Variants in NRF1 observed in about 807,000 individuals in gnomAD.
NRF1 encodes nuclear respiratory factor 1.
In NRF1, 5 loss-of-function variants were observed where a neutral mutation model predicts 58.5. The ratio of observed to expected loss-of-function variants is 0.09; its 90% confidence interval spans 0.04 to 0.18. The LOEUF is 0.18. Ranked by LOEUF, NRF1 falls within the 10% of genes least tolerant of loss-of-function variation. The pLI, the probability that NRF1 is intolerant of heterozygous loss-of-function variation, is 1.00. For missense variants in NRF1, 288 were observed against 657.7 expected, an observed-to-expected ratio of 0.44 and a Z score of 6.15; for synonymous variants, 224 against 246.7, an observed-to-expected ratio of 0.91 and a Z score of 0.86.
At chr7:129,744,048 A>G in intron 10 of NRF1, 2 of 782,044 alleles carry the variant, frequency 2.6e-6, no homozygotes, top group Non-Finnish European at 2.0e-6. Flanking sequence ...GGGTGGAAGG[A>G]GCGAGGCTGT....
chr7:129,691,348 A>C (rs1229941057), intron 5 of NRF1, among the ~76,000 whole-genome samples: 1 of 131,442 alleles, frequency 7.6e-6, no homozygotes, highest in Non-Finnish European at 1.5e-5. Context: ...CTATTTATTT[A>C]TTTATTATTA....
chr7:129,625,063 A>C (rs1259186371), intron 1 of NRF1, among the ~76,000 whole-genome samples: 1 of 152,170 alleles, frequency 6.6e-6, no homozygotes, highest in Admixed American at 6.5e-5. Flanking sequence ...CAAGGTGTTC[A>C]CAGGGTGGCG....
chr7:129,644,582 T>C (rs1038448398), intron 1 of NRF1, among the ~76,000 whole-genome samples: 1 of 152,260 alleles, frequency 6.6e-6, no homozygotes, highest in East Asian at 1.9e-4. Context: ...TAATTCCTTA[T>C]GATCTCATGT....
chr7:129,732,543 G>A (rs1803605161), intron 10 of NRF1, among the ~76,000 whole-genome samples: 1 of 152,144 alleles, frequency 6.6e-6, no homozygotes, highest in Admixed American at 6.5e-5. Flanking sequence ...AAAAAGAGAG[G>A]ATGTAGCATT....
At chr7:129,637,622 T>C (rs2151065516) in intron 1 of NRF1, among the ~76,000 whole-genome samples, 1 of 152,314 alleles carries the variant, frequency 6.6e-6, no homozygotes, top group African/African-American at 2.4e-5. Flanking sequence ...CACAACCATA[T>C]TTATTTACAC....
intron 10 of NRF1, among the ~76,000 whole-genome samples, chr7:129,746,408 C>G (rs1318940383): frequency 6.6e-6 from 1 of 152,204 alleles, no homozygotes; most frequent in Non-Finnish European, 1.5e-5. Flanking sequence ...TAACTGCTGT[C>G]TGCCTGCTAG....
chr7:129,623,061 T>G (rs2151057364), intron 1 of NRF1, among the ~76,000 whole-genome samples: 1 of 152,332 alleles, frequency 6.6e-6, no homozygotes, highest in Non-Finnish European at 1.5e-5. Context: ...TCATACTCTT[T>G]ATGGTCTTGC....
In NRF1 at chr7:129,673,622, C is replaced by G. The variant is rs1802102440; in HGVS notation, c.338+2079C>G. 3.4e-5 allele frequency among the ~76,000 whole-genome samples: 5 copies of G among 145,596 alleles called. No homozygotes were observed. The Admixed American group carries it at 3.6e-4, about 11-fold the overall frequency. ...GTCCCAGCTACTCGGGAGGCTGAGG[C>G]AGGAGAATGGCGTGAACCCGGGAGG... is the stretch of plus-strand genomic sequence containing the variant. On this transcript the variant is annotated intron_variant, in intron 3 of 10. Transcript: ENST00000393232.
At chr7:129,649,718 C>A (rs1353615795) in intron 1 of NRF1, among the ~76,000 whole-genome samples, 7 of 152,094 alleles carry the variant, frequency 4.6e-5, no homozygotes, top group Admixed American at 3.9e-4. Context: ...CCTACCCCAA[C>A]CTCTTGTAGT....
chr7:129,626,593 G>A (rs1367585037), intron 1 of NRF1, among the ~76,000 whole-genome samples: 1 of 152,234 alleles, frequency 6.6e-6, no homozygotes, highest in Non-Finnish European at 1.5e-5. Context: ...TGCATAGTAG[G>A]AGCTGAATGA....
At chr7:129,648,868 G>A (rs1388851409) in intron 1 of NRF1, among the ~76,000 whole-genome samples, 2 of 149,020 alleles carry the variant, frequency 1.3e-5, no homozygotes, top group Admixed American at 6.7e-5. Flanking sequence ...CTGTATTTTG[G>A]TCTGTAGTCG....
At chr7:129,724,149 T>A (rs974080614) in intron 9 of NRF1, among the ~76,000 whole-genome samples, 3 of 152,188 alleles carry the variant, frequency 2.0e-5, no homozygotes, top group Admixed American at 1.3e-4. Flanking sequence ...TTGTATCTGA[T>A]AAGGGATTGA....
chr7:129,636,714 T>A (rs2151064990), intron 1 of NRF1, among the ~76,000 whole-genome samples: 1 of 152,348 alleles, frequency 6.6e-6, no homozygotes, highest in Non-Finnish European at 1.5e-5. Context: ...GCTGCTGCTT[T>A]TCTTCCACTT....
chr7:129,639,350 A>C (rs1801238720), intron 1 of NRF1, among the ~76,000 whole-genome samples: 1 of 152,174 alleles, frequency 6.6e-6, no homozygotes, highest in Non-Finnish European at 1.5e-5. Flanking sequence ...GATTTCCAGT[A>C]ATTGGCGTGG....
At chr7:129,703,136 A>T (rs937137652) in intron 5 of NRF1, among the ~76,000 whole-genome samples, 3 of 152,096 alleles carry the variant, frequency 2.0e-5, no homozygotes, top group Non-Finnish European at 4.4e-5. Flanking sequence ...CACAGGCATG[A>T]ATTTGATATC....
chr7:129,635,455 A>G (rs967800290), intron 1 of NRF1, among the ~76,000 whole-genome samples: 1 of 152,120 alleles, frequency 6.6e-6, no homozygotes, highest in Non-Finnish European at 1.5e-5. Context: ...GCTTAAGGCT[A>G]GCTTCATACT....
At chr7:129,633,842 T>C (rs181211416) in intron 1 of NRF1, 1 of 151,550 alleles carries the variant, frequency 6.6e-6, no homozygotes, top group African/African-American at 2.4e-5. Flanking sequence ...TAAGAATAAA[T>C]ATATATAAAC....
intron 2 of NRF1, among the ~76,000 whole-genome samples, chr7:129,663,442 A>G (rs1270975532): frequency 1.5e-5 from 2 of 135,154 alleles, no homozygotes; most frequent in Admixed American, 7.5e-5. Context: ...GGCGCTCCTC[A>G]CATCCCAGAC....
chr7:129,637,695 C>T (rs952843357), intron 1 of NRF1, among the ~76,000 whole-genome samples: 5 of 152,108 alleles, frequency 3.3e-5, no homozygotes, highest in Non-Finnish European at 5.9e-5. Flanking sequence ...CAATTTCCAT[C>T]ATTTTATGGA....
Sources: gnomAD v4.1 joint callset for allele counts (sites outside exome capture counted in the v4.1 genomes callset) on GRCh38, gnomAD v4.1.1 for gene constraint, MANE v1.5 for transcripts, NCBI Gene and HGNC (gene_info 2026-07-23, HGNC 2026-07-21) for gene names.